The following ZNF592 variants were observed in gnomAD, a reference collection of about 807,000 sequenced individuals.
ZNF592 encodes the protein zinc finger protein 592.
In ZNF592, 11 loss-of-function variants were observed where a neutral mutation model predicts 80.3. That is an observed-to-expected ratio of 0.14 (90% CI 0.09 to 0.23). The LOEUF is 0.23. ZNF592 is among the 10% of genes least tolerant of loss of function. The pLI, the probability that ZNF592 is intolerant of heterozygous loss-of-function variation, is 1.00. For synonymous variants in ZNF592, 646 were observed against 640.3 expected, an observed-to-expected ratio of 1.01 and a Z score of -0.13; for missense variants, 1,420 against 1,633.9, an observed-to-expected ratio of 0.87 and a Z score of 2.26.
chr15:84,755,480 T>G (rs1596104158), intron 1 of ZNF592, among the ~76,000 whole-genome samples: 2 of 152,044 alleles, frequency 1.3e-5, no homozygotes, highest in South Asian at 4.1e-4. Flanking sequence ...TCTTCCTCCA[T>G]AAAAATAAAT....
In ZNF592 at chr15:84,767,790, C is replaced by T. The variant is rs531209845; in HGVS notation, c.-150+2975C>T. On this transcript the variant is annotated intron_variant, in intron 2 of 10. Transcript: ENST00000560079. ...ATTGAGATATAATTCACATGCCATA[C>T]AATTTACCCATTTAAAGTGCACAAT... 5.3e-5 allele frequency among the ~76,000 whole-genome samples: 8 copies of T among 152,212 alleles called. No individual in the cohort carries two copies. In the South Asian group the frequency reaches 1.7e-3, roughly 32 times the overall value.
chr15:84,795,524 G>C (rs1464572568), intron 5 of ZNF592, among the ~76,000 whole-genome samples: 1 of 152,216 alleles, frequency 6.6e-6, no homozygotes, highest in Non-Finnish European at 1.5e-5. Context: ...CGAAAAGAAT[G>C]TATTTCTACT....
Position 84,802,597 on chromosome 15 carries a change from A to G in ZNF592, c.*204A>G, listed in dbSNP as rs1353641129. 5 of 624,660 alleles carry G rather than the reference A, an allele frequency of 8.0e-6. No individual in the cohort carries two copies. The highest frequency in any genetic ancestry group is 1.9e-5 in the South Asian group (1 of 51,388). 38.7% of individuals were successfully genotyped at this position (624,660 alleles called of 1,614,324 possible). On this transcript the variant is annotated 3_prime_UTR_variant, in exon 11 of 11. Coordinates refer to ENST00000560079, the MANE Select transcript of ZNF592 (RefSeq NM_014630.3). ...TCGGCCAGGACCCTCACAGCTCTGA[A>G]TTTGCTTCTGTTATTTATGGCTTTT...
intron 2 of ZNF592, among the ~76,000 whole-genome samples, chr15:84,769,607 C>G (rs2141972791): frequency 6.6e-6 from 1 of 151,638 alleles, no homozygotes; most frequent in African/African-American, 2.4e-5. Flanking sequence ...CCTGGACAGA[C>G]TGGGTGAGAG....
In ZNF592 at chr15:84,778,254, G is replaced by C. The variant is rs1470846591; in HGVS notation, c.-78G>C. ...AGACGCTCCCCCGTACGGAGACAGA[G>C]GGAGGGGGGGCTCCAAAGCCGAAAG... On this transcript the variant is annotated 5_prime_UTR_variant, in exon 3 of 11. Transcript: ENST00000560079. 7.1e-6 allele frequency: 2 copies of C among 280,738 alleles called. No individual in the cohort carries two copies. Among genetic ancestry groups the C allele is most frequent in the Admixed American group, 8.7e-5 (2 of 22,950 alleles). 17.4% of individuals were successfully genotyped at this position (280,738 alleles called of 1,614,324 possible). A position where few individuals can be genotyped will look rare whatever the true frequency, so the allele number is the denominator to read the frequency against.
At chr15:84,760,637 G>C (rs148020151) in intron 1 of ZNF592, among the ~76,000 whole-genome samples, 6 of 152,306 alleles carry the variant, frequency 3.9e-5, no homozygotes, top group African/African-American at 1.4e-4. Flanking sequence ...CATGTCTGCG[G>C]TGTGTGTGTG....
chr15:84,798,782 G>A lies in ZNF592; in HGVS notation c.2931G>A (p.Arg977=). ...EAHRRVEARP[R]LRNTGWTCQE... ...ACCGCAGGGTGGAAGCCAGGCCGCG[G>A]CTGAGGAACACTGGCTGGACCTGCC... Residue 977 remains arginine, a synonymous_variant, in exon 8 of 11, where the codon CGG becomes CGA. Transcript: ENST00000560079. The surrounding 1 kb of genome is among the most constrained non-coding windows in gnomAD (Gnocchi z 4.5). The A allele has an allele frequency of 6.2e-7, 1 of 1,603,910 alleles. No homozygotes were observed. The highest frequency in any genetic ancestry group is 2.2e-5 in the East Asian group (1 of 44,856).
chr15:84,776,015 G>A (rs1962242153), intron 2 of ZNF592, among the ~76,000 whole-genome samples: 1 of 152,214 alleles, frequency 6.6e-6, no homozygotes, highest in African/African-American at 2.4e-5. Context: ...CAAGGGGACT[G>A]TTCATATTGT....
At position 84,784,649 on chromosome 15, in the gene ZNF592, G is replaced by C. The variant is rs199683430; in HGVS notation, c.1974G>C (p.Ala658=). ...CSQLLVKPIS[A]DQMFVSAPVN... ...AGCTGCTGGTGAAGCCTATCTCTGC[G>C]GACCAAATGTTCGTGTCGGCCCCTG... The change falls in exon 4 of 11, where the codon GCG becomes GCC. Residue 658 remains alanine (A), a synonymous_variant. Transcript: ENST00000560079. The surrounding 1 kb of genome is among the most constrained non-coding windows in gnomAD (Gnocchi z 5.8). The C allele has an allele frequency of 1.2e-6, 2 of 1,614,154 alleles. No individual in the cohort carries two copies. Among genetic ancestry groups the C allele is most frequent in the Admixed American group, 1.7e-5 (1 of 60,016 alleles).
intron 4 of ZNF592, among the ~76,000 whole-genome samples, chr15:84,788,677 T>C (rs975095951): frequency 3.3e-5 from 5 of 152,232 alleles, no homozygotes; most frequent in Admixed American, 3.3e-4. Context: ...TCCAGAACTC[T>C]TCATGTTGCA....
At chr15:84,788,470 T>C (rs1962650202) in intron 4 of ZNF592, among the ~76,000 whole-genome samples, 1 of 152,256 alleles carries the variant, frequency 6.6e-6, no homozygotes, top group African/African-American at 2.4e-5. Flanking sequence ...GGATAATTTG[T>C]TTCTTTTAAT....
intron 5 of ZNF592, among the ~76,000 whole-genome samples, chr15:84,791,166 G>A (rs542948717): frequency 2.6e-5 from 4 of 152,334 alleles, no homozygotes; most frequent in East Asian, 1.9e-4. Context: ...GTTTTAAAAC[G>A]TATGTAAGTT....
intron 5 of ZNF592, among the ~76,000 whole-genome samples, chr15:84,793,393 G>A (rs1158437900): frequency 6.6e-6 from 1 of 152,204 alleles, no homozygotes; most frequent in East Asian, 1.9e-4. Flanking sequence ...ATGTTTAATT[G>A]TACGGATGGA....
chr15:84,778,580 A>G (rs1037944732), intron 3 of ZNF592, among the ~76,000 whole-genome samples: 3 of 152,224 alleles, frequency 2.0e-5, no homozygotes, highest in Non-Finnish European at 4.4e-5. Flanking sequence ...GCCGACTTGC[A>G]TATCAAAGGT....
chr15:84,795,712 T>G lies in ZNF592; in HGVS notation c.2400-2157T>G, dbSNP rs529066896. 3.0e-4 allele frequency among the ~76,000 whole-genome samples: 45 copies of G among 152,342 alleles called. No individual in the cohort carries two copies. The South Asian group carries it at 9.1e-3, about 31-fold the overall frequency. On this transcript the variant is annotated intron_variant, in intron 5 of 10. Coordinates refer to ENST00000560079, the MANE Select transcript of ZNF592 (RefSeq NM_014630.3). ...TAGAAGTTGGTTTCACTCTTCTGTT[T>G]AGCAGGAGAGAAAGGAAAATTAAGT...
At chr15:84,764,081 T>C (rs898077445) in intron 1 of ZNF592, among the ~76,000 whole-genome samples, 2 of 152,210 alleles carry the variant, frequency 1.3e-5, no homozygotes, top group East Asian at 1.9e-4. Context: ...CCGCCATGAT[T>C]TCTGCAGCTC....
In ZNF592 at chr15:84,784,647, G is replaced by A. The variant is rs1962535799; in HGVS notation, c.1972G>A (p.Ala658Thr). The A allele has an allele frequency of 1.2e-6, 2 of 1,614,042 alleles. No individual in the cohort carries two copies. The highest frequency in any genetic ancestry group is 1.7e-6 in the Non-Finnish European group (2 of 1,180,040). ...CCAGCTGCTGGTGAAGCCTATCTCT[G>A]CGGACCAAATGTTCGTGTCGGCCCC... The part of the protein sequence containing the change: ...CSQLLVKPIS[A>T]DQMFVSAPVN... The change falls in exon 4 of 11, where the codon GCG (alanine) becomes ACG (threonine). Residue 658 changes from alanine (A) to threonine (T), a missense_variant. Coordinates refer to ENST00000560079, the MANE Select transcript of ZNF592 (RefSeq NM_014630.3). The surrounding 1 kb of genome is among the most constrained non-coding windows in gnomAD (Gnocchi z 5.8).
intron 2 of ZNF592, among the ~76,000 whole-genome samples, chr15:84,775,345 C>T (rs1238263871): frequency 1.3e-5 from 2 of 152,208 alleles, no homozygotes; most frequent in East Asian, 3.8e-4. Context: ...ATCTGCCCAC[C>T]TCAACCTCCC....
rs146786916 is a variant in ZNF592, at chr15:84,802,279, A to G, written c.3690A>G (p.Pro1230=). 4,418 of 1,611,664 alleles carry G rather than the reference A, an allele frequency of 2.7e-3. 12 individuals are homozygous for G. The highest frequency in any genetic ancestry group is 3.4e-3 in the Non-Finnish European group (3,969 of 1,178,276). Residue 1230 remains proline (P), a synonymous_variant, in exon 11 of 11, where the codon CCA becomes CCG. Coordinates refer to ENST00000560079, the MANE Select transcript of ZNF592 (RefSeq NM_014630.3). ...CCGGTGAGCCTTTGTCAGCTGACCC[A>G]GAGGCGAGGAGATTGCTGGGCCCGG... is the stretch of plus-strand genomic sequence containing the variant. ...ECAGEPLSAD[P]EARRLLGPAP...
Sources: gnomAD v4.1 joint callset for allele counts (sites outside exome capture counted in the v4.1 genomes callset) on GRCh38, gnomAD v4.1.1 for gene constraint, Gnocchi (gnomAD v3.1) non-coding constraint, MANE v1.5 for transcripts, NCBI Gene and HGNC (gene_info 2026-07-23, HGNC 2026-07-21) for gene names.